Variants in NOS1AP observed in about 807,000 individuals in gnomAD.
The protein encoded by NOS1AP is nitric oxide synthase 1 adaptor protein.
In NOS1AP, 21 loss-of-function variants were observed where a neutral mutation model predicts 56.2. That is an observed-to-expected ratio of 0.37 (90% CI 0.26 to 0.54). The LOEUF (loss-of-function observed/expected upper bound fraction) is 0.54, where lower values mean the gene tolerates loss of function less well. NOS1AP is among the 20% of genes least tolerant of loss of function. The pLI is 0.84. For synonymous variants in NOS1AP, 270 were observed against 274.6 expected (o/e 0.98, Z 0.17); for missense variants, 522 against 657.8 (o/e 0.79, Z 2.26).
intron 2 of NOS1AP, among the ~76,000 whole-genome samples, chr1:162,230,598 AC>A (rs1254575406): frequency 6.6e-6 from 1 of 152,224 alleles, no homozygotes; most frequent in East Asian, 1.9e-4. Flanking sequence ...AAACTTCGAA[AC>A]TTTTTCATCT....
rs189347655 is a variant in NOS1AP at position 162,094,271 on chromosome 1, T to G, written c.105+23989T>G. Among the ~76,000 whole-genome samples, 89 of 152,340 alleles carry G rather than the reference T, an allele frequency of 5.8e-4. 1 individual carries two copies. The highest frequency in any genetic ancestry group is 1.9e-3 in the African/African-American group (80 of 41,584). ...TCTTCATGGCATCATAAACACAGGTTGGTTCTCTTCCCTATGCTCTTCATT... is the reference window on the plus strand; with the variant it reads ...TCTTCATGGCATCATAAACACAGGTGGGTTCTCTTCCCTATGCTCTTCATT... On this transcript the variant is annotated intron_variant, in intron 1 of 9. Transcript: ENST00000361897.
Position 162,357,074 on chromosome 1 carries a change from A to T in NOS1AP, c.877A>T (p.Met293Leu), listed in dbSNP as rs1160152857. The part of the protein sequence containing the change: ...TETPLSTHHQ[M>L]QLLQQLLQQQ... ...GACACCGCTGTCCACTCACCACCAG[A>T]TGCAGCTCCTCCAGCAGCTCCTCCA... Residue 293 changes from methionine to leucine, a missense_variant, in exon 8 of 10, where the codon ATG (methionine) becomes TTG (leucine). Around this residue, in one of 4 missense-constraint regions of NOS1AP, gnomAD observed 178 missense variants for 165.0 expected, o/e 1.08. Transcript: ENST00000361897. 3 of 1,612,722 alleles carry T rather than the reference A, an allele frequency of 1.9e-6. No homozygotes were observed. The highest frequency in any genetic ancestry group is 2.5e-6 in the Non-Finnish European group (3 of 1,179,990).
chr1:162,360,665 A>T (rs533112710), intron 8 of NOS1AP: 76 of 374,456 alleles, frequency 2.0e-4, no homozygotes, highest in Non-Finnish European at 3.7e-4. Flanking sequence ...AACAGTGCTA[A>T]CAAAACTCCG....
intron 2 of NOS1AP, among the ~76,000 whole-genome samples, chr1:162,199,595 C>CGTGTGTGTGTGTGT (rs58625856): frequency 1.5e-5 from 2 of 131,590 alleles, no homozygotes; most frequent in African/African-American, 5.8e-5. Context: ...GCATGGATTG[C>CGTGTGTGTGTGTGT]GTGTGTGTGT....
At chr1:162,295,922 G>A (rs1655441552) in intron 3 of NOS1AP, among the ~76,000 whole-genome samples, 4 of 152,114 alleles carry the variant, frequency 2.6e-5, no homozygotes, top group South Asian at 2.1e-4. Context: ...GTGCGGTGGG[G>A]GAGGGGTGGA....
chr1:162,287,023 A>G (rs1655107482), intron 2 of NOS1AP, among the ~76,000 whole-genome samples: 1 of 152,214 alleles, frequency 6.6e-6, no homozygotes, highest in African/African-American at 2.4e-5. Context: ...TGACCGTGGA[A>G]GTCATTAAAT....
intron 2 of NOS1AP, among the ~76,000 whole-genome samples, chr1:162,221,629 T>C (rs1296545080): frequency 6.6e-6 from 1 of 151,928 alleles, no homozygotes; most frequent in Non-Finnish European, 1.5e-5. Context: ...CACTAGCTTT[T>C]TTACTTAAGG....
At chr1:162,127,384 TAA>T (rs1648536586) in intron 1 of NOS1AP, among the ~76,000 whole-genome samples, 1 of 152,214 alleles carries the variant, frequency 6.6e-6, no homozygotes, top group East Asian at 1.9e-4. Flanking sequence ...TTTATACACA[TAA>T]ACACCGTTTT....
intron 1 of NOS1AP, among the ~76,000 whole-genome samples, chr1:162,113,631 T>G (rs1179909638): frequency 1.3e-5 from 2 of 151,934 alleles, no homozygotes; most frequent in African/African-American, 4.8e-5. Context: ...GAGGAAGTGG[T>G]GGGGGTAGGG....
intron 5 of NOS1AP, among the ~76,000 whole-genome samples, chr1:162,342,906 G>T (rs1323856223): frequency 6.6e-6 from 1 of 152,172 alleles, no homozygotes; most frequent in African/African-American, 2.4e-5. Flanking sequence ...GATGCTTGAG[G>T]CCCACTGAGG....
chr1:162,341,823 C>T, intron 5 of NOS1AP, among the ~76,000 whole-genome samples: 1 of 152,186 alleles, frequency 6.6e-6, no homozygotes, highest in African/African-American at 2.4e-5. Flanking sequence ...AGTTAAGCTT[C>T]CTGGCACAGC....
In NOS1AP at chr1:162,287,609, G is replaced by A. The variant is rs41510051; in HGVS notation, c.270+173G>A. Among the ~76,000 whole-genome samples the A allele has an allele frequency of 2.7e-4, 41 of 152,080 alleles. No homozygotes were observed. In the East Asian group the frequency reaches 7.2e-3, roughly 27 times the overall value. On this transcript the variant is annotated intron_variant, in intron 3 of 9. Transcript: ENST00000361897. ...GCTGCAGCAGAGTGTAGGGCGAGGC[G>A]AGGCCAAAGGCCTAGTCACCAGTTG...
intron 2 of NOS1AP, among the ~76,000 whole-genome samples, chr1:162,225,064 A>G (rs1652897950): frequency 6.6e-6 from 1 of 152,148 alleles, no homozygotes; most frequent in Non-Finnish European, 1.5e-5. Context: ...CCTGCAGGTG[A>G]TATTTGCCAC....
At chr1:162,146,960 T>C (rs1272775933) in intron 1 of NOS1AP, among the ~76,000 whole-genome samples, 1 of 152,220 alleles carries the variant, frequency 6.6e-6, no homozygotes, top group African/African-American at 2.4e-5. Context: ...TATTTGTTAC[T>C]TGTGGGAGGC....
chr1:162,287,290 G>T lies in NOS1AP; in HGVS notation c.178-54G>T, dbSNP rs16859730. On this transcript the variant is annotated intron_variant, in intron 2 of 9. Coordinates refer to ENST00000361897, the MANE Select transcript of NOS1AP (RefSeq NM_014697.3). Reference sequence around the variant, plus strand: ...GGCATGGGCTAGCTGGGTCTGTATAGATGCACTGATCTCATCAGATTGCAC... The same window carrying T: ...GGCATGGGCTAGCTGGGTCTGTATATATGCACTGATCTCATCAGATTGCAC... The T allele has an allele frequency of 2.3e-3, 3,011 of 1,290,154 alleles. 42 individuals are homozygous for T. The African/African-American group carries it at 0.038, about 16-fold the overall frequency. 79.9% of individuals were successfully genotyped at this position (1,290,154 alleles called of 1,614,324 possible).
At chr1:162,147,507 T>C (rs1160954272) in intron 1 of NOS1AP, among the ~76,000 whole-genome samples, 3 of 152,182 alleles carry the variant, frequency 2.0e-5, no homozygotes, top group African/African-American at 7.2e-5. Flanking sequence ...TCTGTCTTGC[T>C]GCTTTTCACA....
chr1:162,216,886 A>G lies in NOS1AP; in HGVS notation c.177+62410A>G, dbSNP rs185220181. Among the ~76,000 whole-genome samples, 5 of 152,284 alleles carry G rather than the reference A, an allele frequency of 3.3e-5. No individual in the cohort carries two copies. The East Asian group carries it at 7.7e-4, about 24-fold the overall frequency. ...TGAGTAAGACAGCATAGCAGTACTT[A>G]TAAGTTTATGGTTTTGGTAGGATTA... On this transcript the variant is annotated intron_variant, in intron 2 of 9. Transcript: ENST00000361897.
intron 2 of NOS1AP, among the ~76,000 whole-genome samples, chr1:162,270,651 G>C (rs1654556175): frequency 6.6e-6 from 1 of 152,214 alleles, no homozygotes; most frequent in Non-Finnish European, 1.5e-5. Flanking sequence ...GCAGACATGA[G>C]AAAATCCAGT....
At chr1:162,097,481 G>A (rs1692273217) in intron 1 of NOS1AP, among the ~76,000 whole-genome samples, 1 of 152,098 alleles carries the variant, frequency 6.6e-6, no homozygotes, top group South Asian at 2.1e-4. Flanking sequence ...TCATAATAGT[G>A]TTCTTCTATA....
Sources: allele counts gnomAD v4.1 joint callset (sites outside exome capture counted in the v4.1 genomes callset), GRCh38; gene constraint gnomAD v4.1.1; regional missense constraint gnomAD v4.1.1; transcripts MANE v1.5; gene names NCBI Gene and HGNC (gene_info 2026-07-23, HGNC 2026-07-21).